Variants in RASSF2 observed in about 807,000 individuals in gnomAD.
RASSF2 encodes the protein Ras association domain family member 2, also known as ras association domain-containing protein 2.
RASSF2 carries 34 observed loss-of-function variants against 46.3 expected under a neutral mutation model. The ratio of observed to expected loss-of-function variants is 0.73; its 90% CI spans 0.56 to 0.98. The LOEUF is 0.98. RASSF2 is among the 50% of genes least tolerant of loss of function. RASSF2 has a pLI of 0.00. For synonymous variants in RASSF2, 158 were observed against 162.5 expected, an observed-to-expected ratio of 0.97 and a Z score of 0.21; for missense variants, 364 against 431.2, an observed-to-expected ratio of 0.84 and a Z score of 1.38.
chr20:4,802,683 G>A (rs1444319672), intron 2 of RASSF2, among the ~76,000 whole-genome samples: 3 of 151,976 alleles, frequency 2.0e-5, no homozygotes, highest in African/African-American at 7.2e-5. Flanking sequence ...GCCAGAGGCT[G>A]GGAAGAAGGG....
intron 8 of RASSF2, among the ~76,000 whole-genome samples, chr20:4,789,268 G>A (rs1052336092): frequency 3.3e-5 from 5 of 152,132 alleles, no homozygotes; most frequent in African/African-American, 1.2e-4. Flanking sequence ...AGCCCATAAA[G>A]GATTTGAGGG....
intron 6 of RASSF2, among the ~76,000 whole-genome samples, chr20:4,791,139 AGT>A (rs1925840993): frequency 6.6e-6 from 1 of 152,228 alleles, no homozygotes; most frequent in African/African-American, 2.4e-5. Flanking sequence ...AGATACTTAG[AGT>A]GTACCTCATA....
chr20:4,805,545 A>G (rs1232633456), intron 2 of RASSF2, among the ~76,000 whole-genome samples: 1 of 152,116 alleles, frequency 6.6e-6, no homozygotes, highest in Non-Finnish European at 1.5e-5. Flanking sequence ...CTGTTGTTTT[A>G]AACCACCAAG....
rs776749746 is a variant in RASSF2, at chr20:4,786,304, T to C, written c.838A>G (p.Met280Val). 1.2e-6 allele frequency: 2 copies of C among 1,612,332 alleles called. No individual in the cohort carries two copies. Among genetic ancestry groups the C allele is most frequent in the South Asian group, 2.2e-5 (2 of 91,026 alleles). ...YDVAQYIKFE[M>V]PVLKSFIQKL... ...TGAATGAAGCTTTTAAGTACCGGCA[T>C]CTCGAACTTTATATACTGGGCCACC... is the stretch of plus-strand genomic sequence containing the variant. Residue 280 changes from methionine to valine, a missense_variant, in exon 11 of 12, where the codon ATG becomes GTG. Physicochemically the swap from Met to Val is conservative, Grantham distance 21 (BLOSUM62 1). Transcript: ENST00000379400.
chr20:4,805,921 C>T (rs1236533490), intron 2 of RASSF2, among the ~76,000 whole-genome samples: 1 of 152,202 alleles, frequency 6.6e-6, no homozygotes, highest in Non-Finnish European at 1.5e-5. Flanking sequence ...AGGACCAGGA[C>T]TGAGTTTCAG....
chr20:4,801,151 T>A, intron 2 of RASSF2, 89 bp from the exon 3 acceptor site: 1 of 921,856 alleles, frequency 1.1e-6, no homozygotes. Flanking sequence ...GGCACAAAAT[T>A]GGACGCCATG....
intron 4 of RASSF2, 126 bp from the exon 5 acceptor site, chr20:4,796,092 A>G (rs1408708123): frequency 8.9e-6 from 9 of 1,006,896 alleles, no homozygotes; most frequent in Non-Finnish European, 1.1e-5. Context: ...TATTCACAGG[A>G]TAGGGGCAGC....
intron 2 of RASSF2, among the ~76,000 whole-genome samples, chr20:4,821,167 C>T (rs192039152): frequency 9.2e-5 from 14 of 152,234 alleles, no homozygotes; most frequent in African/African-American, 3.4e-4. Context: ...TGGGATGTCT[C>T]AGGTGGGTCA....
intron 2 of RASSF2, among the ~76,000 whole-genome samples, chr20:4,816,324 T>A: frequency 6.6e-6 from 1 of 151,838 alleles, no homozygotes; most frequent in Non-Finnish European, 1.5e-5. Context: ...AAACGAAAAA[T>A]ATATATAGAT....
chr20:4,814,726 C>A (rs1416577241), intron 2 of RASSF2, among the ~76,000 whole-genome samples: 2 of 152,314 alleles, frequency 1.3e-5, no homozygotes, highest in African/African-American at 4.8e-5. Context: ...ACGCATCCAA[C>A]AACGTGTGCG....
intron 2 of RASSF2, among the ~76,000 whole-genome samples, chr20:4,806,586 T>C (rs1535384): frequency 0.64 from 96,687 of 151,938 alleles, 31,333 homozygotes; most frequent in East Asian, 0.94. Flanking sequence ...ATTAAAGGCA[T>C]GGGCTGCCAC....
At chr20:4,788,557 C>T (rs572897892) in intron 8 of RASSF2, among the ~76,000 whole-genome samples, 28 of 152,202 alleles carry the variant, frequency 1.8e-4, no homozygotes, top group Admixed American at 5.9e-4. Flanking sequence ...ACCTGGATGG[C>T]ATAGCCTACT....
At position 4,783,254 on chromosome 20, in the gene RASSF2, T is replaced by C. The variant is rs981809851; in HGVS notation, c.*1019A>G. ...AAGTGCAGGAAGACCTTTGATGACA[T>C]GAAGATGGGCTGCGTTCAAGGCACC... On this transcript the variant is annotated 3_prime_UTR_variant, in exon 12 of 12. Coordinates refer to ENST00000379400, the MANE Select transcript of RASSF2 (RefSeq NM_014737.3). The C allele has an allele frequency of 1.3e-5, 2 of 152,258 alleles. No individual in the cohort carries two copies. The highest frequency in any genetic ancestry group is 3.2e-3 in the Middle Eastern group (1 of 316). 9.4% of individuals were successfully genotyped at this position (152,258 alleles called of 1,614,324 possible). A position where few individuals can be genotyped will look rare whatever the true frequency, so the allele number is the denominator to read the frequency against.
At chr20:4,786,996 T>A (rs1455918903) in intron 10 of RASSF2, among the ~76,000 whole-genome samples, 5 of 150,166 alleles carry the variant, frequency 3.3e-5, no homozygotes, top group Non-Finnish European at 7.4e-5. Context: ...GGCAGGAAAA[T>A]AGCTTGAACC....
At chr20:4,819,969 C>T (rs1034176979) in intron 2 of RASSF2, among the ~76,000 whole-genome samples, 1 of 152,236 alleles carries the variant, frequency 6.6e-6, no homozygotes, top group East Asian at 1.9e-4. Flanking sequence ...TCACCGCAAA[C>T]AGCAGCATCA....
rs1282865897 is a variant in RASSF2 at position 4,802,910 on chromosome 20, A to AT, written c.-32-1849dup. Among the ~76,000 whole-genome samples, 198 of 64,694 alleles carry AT rather than the reference A, an allele frequency of 3.1e-3. 1 individual carries two copies. The highest frequency in any genetic ancestry group is 1.0e-2 in the African/African-American group (192 of 19,244). The allele number at this position is 64,694 out of a possible 152,430, so 42.4% of individuals were successfully genotyped here. A position where few individuals can be genotyped will look rare whatever the true frequency, so the allele number is the denominator to read the frequency against. ...TATATATATATACATATATATATATATATATTTTTTTTTTTTGAGACAGAG... is the reference window on the plus strand; with the variant it reads ...TATATATATATACATATATATATATATTATATTTTTTTTTTTTGAGACAGAG... On this transcript the variant is annotated intron_variant, in intron 2 of 11. Transcript: ENST00000379400.
chr20:4,809,670 C>T (rs1927617517), intron 2 of RASSF2, among the ~76,000 whole-genome samples: 1 of 152,186 alleles, frequency 6.6e-6, no homozygotes, highest in South Asian at 2.1e-4. Flanking sequence ...TACCTTAGGC[C>T]AGGGGATTCC....
At position 4,790,431 on chromosome 20, in the gene RASSF2, C is replaced by T. The variant is rs750557972; in HGVS notation, c.537+20G>A. ...CCAGGAAGAGGTCTTCCACCCTCCC[C>T]GTCCCCCTGTCCACCTTACCTTATG... On this transcript the variant is annotated intron_variant, in intron 7 of 11. Transcript: ENST00000379400. This position sits in a 1 kb window ranked among gnomAD's most constrained non-coding sequence, Gnocchi z 4.3. The T allele has an allele frequency of 1.1e-5, 16 of 1,439,376 alleles. No homozygotes were observed. Among genetic ancestry groups the T allele is most frequent in the South Asian group, 3.2e-5 (2 of 62,864 alleles). The allele number at this position is 1,439,376 out of a possible 1,614,324, so 89.2% of individuals were successfully genotyped here. A position where few individuals can be genotyped will look rare whatever the true frequency, so the allele number is the denominator to read the frequency against.
chr20:4,805,565 A>G (rs549113605), intron 2 of RASSF2, among the ~76,000 whole-genome samples: 3 of 152,084 alleles, frequency 2.0e-5, no homozygotes, highest in Admixed American at 6.5e-5. Context: ...GACTATAGTC[A>G]TTTTTCTCGG....
Sources: allele counts gnomAD v4.1 joint callset (sites outside exome capture counted in the v4.1 genomes callset), GRCh38; gene constraint gnomAD v4.1.1; non-coding constraint Gnocchi (gnomAD v3.1); transcripts MANE v1.5; gene names NCBI Gene and HGNC (gene_info 2026-07-23, HGNC 2026-07-21).